VPS13B: variants seen among roughly 807,000 people sequenced by gnomAD.
VPS13B encodes vacuolar protein sorting 13 homolog B, also known as intermembrane lipid transfer protein VPS13B.
In VPS13B, 285 loss-of-function variants were observed where a neutral mutation model predicts 426.4. The observed-to-expected ratio is 0.67, with a 90% CI of 0.61 to 0.74. VPS13B has a LOEUF of 0.74. VPS13B is among the 30% of genes least tolerant of loss of function. VPS13B has a pLI of 0.00. For missense variants in VPS13B, 4,537 were observed against 4,782.6 expected, an observed-to-expected ratio of 0.95 and a Z score of 1.51; for synonymous variants, 1,676 against 1,676.4, an observed-to-expected ratio of 1.00 and a Z score of 0.01.
At chr8:99,445,036 C>T (rs781015285) in intron 23 of VPS13B, among the ~76,000 whole-genome samples, 6 of 151,920 alleles carry the variant, frequency 3.9e-5, no homozygotes, top group Admixed American at 6.6e-5. Context: ...CCAGGCTGGT[C>T]TCGAACTCCT....
intron 21 of VPS13B, chr8:99,424,131 A>C (rs149561593): frequency 6.6e-5 from 10 of 151,812 alleles, no homozygotes; most frequent in African/African-American, 1.5e-4. Flanking sequence ...GTTAGCTCTT[A>C]TTGTTGAATT....
intron 5 of VPS13B, among the ~76,000 whole-genome samples, chr8:99,107,802 A>G (rs995161497): frequency 2.0e-5 from 3 of 152,342 alleles, no homozygotes; most frequent in Admixed American, 2.0e-4. Flanking sequence ...TCAATTTATT[A>G]CCATCCATAC....
At chr8:99,377,795 G>T (rs1813567811) in intron 19 of VPS13B, among the ~76,000 whole-genome samples, 1 of 152,134 alleles carries the variant, frequency 6.6e-6, no homozygotes, top group African/African-American at 2.4e-5. Context: ...GTCTTTATTA[G>T]CAATTTTCAA....
chr8:99,737,846 G>T (rs1406680242), intron 39 of VPS13B, among the ~76,000 whole-genome samples: 1 of 152,234 alleles, frequency 6.6e-6, no homozygotes, highest in Non-Finnish European at 1.5e-5. Flanking sequence ...AAGGAATTTG[G>T]TAAGTGTGTT....
At chr8:99,233,515 T>G in intron 17 of VPS13B, 3 of 1,247,034 alleles carry the variant, frequency 2.4e-6, no homozygotes, top group South Asian at 2.4e-5. Flanking sequence ...AGAATGCTGA[T>G]GCGGGAACGG....
intron 19 of VPS13B, among the ~76,000 whole-genome samples, chr8:99,339,651 T>C (rs560663115): frequency 6.6e-6 from 1 of 152,124 alleles, no homozygotes; most frequent in African/African-American, 2.4e-5. Flanking sequence ...ACAGGCTTTA[T>C]TTAGGTCACT....
chr8:99,521,113 G>T, intron 30 of VPS13B, 103 bp downstream of exon 30: 2 of 969,304 alleles, frequency 2.1e-6, no homozygotes, highest in Non-Finnish European at 3.2e-6. Flanking sequence ...TTCTCATTCA[G>T]GATCTTTTGA....
At chr8:99,028,467 T>C (rs62532624) in intron 2 of VPS13B, among the ~76,000 whole-genome samples, 145 of 100,032 alleles carry the variant, frequency 1.4e-3, no homozygotes, top group Middle Eastern at 0.011. Context: ...TAGGGGCGGC[T>C]GGGCAGAGGA....
chr8:99,496,155 C>G (rs549268975), intron 25 of VPS13B, among the ~76,000 whole-genome samples: 1 of 152,152 alleles, frequency 6.6e-6, no homozygotes, highest in Non-Finnish European at 1.5e-5. Context: ...TTCTGCCACA[C>G]TCACTGTTGC....
At chr8:99,482,800 C>T (rs1167843830) in intron 25 of VPS13B, among the ~76,000 whole-genome samples, 1 of 151,976 alleles carries the variant, frequency 6.6e-6, no homozygotes, top group African/African-American at 2.4e-5. Context: ...ATGAGACAGT[C>T]TTCATTTTTC....
chr8:99,809,195 C>T (rs1813570979), intron 43 of VPS13B, among the ~76,000 whole-genome samples, 180 bp from the exon 44 acceptor site: 1 of 152,160 alleles, frequency 6.6e-6, no homozygotes. Context: ...CTCTATGTGA[C>T]ATATTTGCTA....
chr8:99,775,660 G>A (rs1811705661), intron 40 of VPS13B, among the ~76,000 whole-genome samples: 2 of 152,192 alleles, frequency 1.3e-5, no homozygotes, highest in Admixed American at 1.3e-4. Flanking sequence ...CACTTTGGGA[G>A]GCCAAGGCGG....
chr8:99,727,129 A>C (rs959978722), intron 39 of VPS13B, among the ~76,000 whole-genome samples: 1 of 152,230 alleles, frequency 6.6e-6, no homozygotes, highest in Non-Finnish European at 1.5e-5. Context: ...TGTGAATCAC[A>C]AAATTTATAA....
chr8:99,313,335 T>A (rs769444827), intron 19 of VPS13B, among the ~76,000 whole-genome samples: 1 of 152,144 alleles, frequency 6.6e-6, no homozygotes, highest in Non-Finnish European at 1.5e-5. Context: ...GTGATGTACA[T>A]ATGGGGTTTT....
chr8:99,631,742 A>G (rs779859691), intron 33 of VPS13B, among the ~76,000 whole-genome samples: 51 of 152,046 alleles, frequency 3.4e-4, no homozygotes, highest in Non-Finnish European at 1.2e-4. Context: ...ATACATATAT[A>G]TATTTTATTG....
At position 99,298,917 on chromosome 8, in the gene VPS13B, A is replaced by G. The variant is rs558546350; in HGVS notation, c.2824+23663A>G. Among the ~76,000 whole-genome samples, 6 of 152,342 alleles carry G rather than the reference A, an allele frequency of 3.9e-5. No individual in the cohort carries two copies. In the South Asian group the frequency reaches 1.0e-3, roughly 26 times the overall value. On this transcript the variant is annotated intron_variant, in intron 19 of 61. Transcript: ENST00000357162. Reference sequence around the variant, plus strand: ...AGCACAAGGCCAAGGAGTGAGTGGCAGGTGCTCAGAAAGCAGCACCTCTGC... The same window carrying G: ...AGCACAAGGCCAAGGAGTGAGTGGCGGGTGCTCAGAAAGCAGCACCTCTGC...
At chr8:99,792,055 A>G (rs938891835) in intron 43 of VPS13B, among the ~76,000 whole-genome samples, 1 of 152,176 alleles carries the variant, frequency 6.6e-6, no homozygotes, top group Non-Finnish European at 1.5e-5. Context: ...GCATGGGGCA[A>G]ACTGAATGCA....
At chr8:99,760,597 G>T (rs1022046446) in intron 39 of VPS13B, among the ~76,000 whole-genome samples, 1 of 151,968 alleles carries the variant, frequency 6.6e-6, no homozygotes, top group Non-Finnish European at 1.5e-5. Context: ...ATGTCTACAT[G>T]CTTTTAAAAG....
chr8:99,164,915 A>G (rs559944742), intron 15 of VPS13B, among the ~76,000 whole-genome samples: 1 of 151,844 alleles, frequency 6.6e-6, no homozygotes, highest in South Asian at 2.1e-4. Context: ...CCAGCTGCTT[A>G]TGCTGCTGTT....
Sources: allele counts gnomAD v4.1 joint callset (sites outside exome capture counted in the v4.1 genomes callset), GRCh38; gene constraint gnomAD v4.1.1; transcripts MANE v1.5; gene names NCBI Gene and HGNC (gene_info 2026-07-23, HGNC 2026-07-21).